Variants in NRXN3 observed in about 807,000 individuals in gnomAD.
The protein encoded by NRXN3 is neurexin 3.
Under a neutral mutation model 137.6 loss-of-function variants are expected in NRXN3, and 32 were observed. The observed-to-expected ratio is 0.23, with a 90% CI of 0.18 to 0.31. NRXN3 has a LOEUF of 0.31. Among genes scored for constraint, NRXN3 ranks in the 10% least tolerant of loss-of-function variants. The pLI is 1.00. For synonymous variants in NRXN3, 798 were observed against 784.5 expected (o/e 1.02, Z -0.29); for missense variants, 1,574 against 2,062.5 (o/e 0.76, Z 4.59).
At chr14:78,174,492 T>G (rs2059072489) in intron 1 of NRXN3, among the ~76,000 whole-genome samples, 1 of 152,174 alleles carries the variant, frequency 6.6e-6, no homozygotes, top group African/African-American at 2.4e-5. Flanking sequence ...TGGTGGCCTT[T>G]GTGTTGGTTT....
intron 4 of NRXN3, among the ~76,000 whole-genome samples, chr14:78,320,005 G>A (rs527435790): frequency 3.3e-5 from 5 of 152,224 alleles, no homozygotes; most frequent in Non-Finnish European, 7.3e-5. Context: ...GCATTAGGAG[G>A]CTCATATTTC....
intron 4 of NRXN3, among the ~76,000 whole-genome samples, chr14:78,431,832 T>C (rs1455612575): frequency 6.6e-6 from 1 of 152,174 alleles, no homozygotes. Flanking sequence ...ATTACATGAA[T>C]TTTCTCATTA....
chr14:78,238,072 G>A (rs1456053425), intron 1 of NRXN3, among the ~76,000 whole-genome samples: 1 of 152,016 alleles, frequency 6.6e-6, no homozygotes, highest in Non-Finnish European at 1.5e-5. Context: ...GGTGGGGAGG[G>A]CAAATGGCAG....
At chr14:79,404,749 G>A (rs1206434523) in intron 15 of NRXN3, among the ~76,000 whole-genome samples, 1 of 152,192 alleles carries the variant, frequency 6.6e-6, no homozygotes, top group Non-Finnish European at 1.5e-5. Flanking sequence ...CGTGTGCTTG[G>A]TTTGTTTAGG....
chr14:79,321,768 A>C (rs954269652), intron 15 of NRXN3, among the ~76,000 whole-genome samples: 1 of 150,124 alleles, frequency 6.7e-6, no homozygotes, highest in Admixed American at 6.7e-5. Flanking sequence ...GTAATTACAC[A>C]TATCTATATG....
intron 6 of NRXN3, among the ~76,000 whole-genome samples, chr14:78,674,803 C>G (rs557020096): frequency 6.6e-5 from 10 of 152,280 alleles, no homozygotes; most frequent in African/African-American, 2.4e-4. Context: ...TAAAAGTAGT[C>G]CTTTTTGTCC....
intron 10 of NRXN3, among the ~76,000 whole-genome samples, chr14:78,934,278 A>G (rs1347886949): frequency 6.6e-6 from 1 of 152,182 alleles, no homozygotes; most frequent in African/African-American, 2.4e-5. Context: ...TTATTCTTTA[A>G]AGGCCATGAG....
At chr14:79,196,102 A>G (rs1342686717) in intron 15 of NRXN3, among the ~76,000 whole-genome samples, 1 of 152,188 alleles carries the variant, frequency 6.6e-6, no homozygotes, top group African/African-American at 2.4e-5. Context: ...GGTGAGATTA[A>G]ATGAGGCAAA....
At chr14:79,496,906 T>A (rs2096772665) in intron 16 of NRXN3, among the ~76,000 whole-genome samples, 1 of 152,158 alleles carries the variant, frequency 6.6e-6, no homozygotes, top group East Asian at 1.9e-4. Context: ...GCAGTGGATA[T>A]GAATTGAGCC....
intron 2 of NRXN3, among the ~76,000 whole-genome samples, chr14:78,277,718 T>A (rs1439480385): frequency 6.6e-6 from 1 of 152,166 alleles, no homozygotes; most frequent in Non-Finnish European, 1.5e-5. Context: ...GTTTTAACAG[T>A]GCCTTGGGCT....
chr14:78,693,776 A>G (rs903872180), intron 6 of NRXN3, among the ~76,000 whole-genome samples: 4 of 149,234 alleles, frequency 2.7e-5, no homozygotes, highest in African/African-American at 7.4e-5. Flanking sequence ...TATAATACCA[A>G]CCTGACCTCG....
At chr14:78,647,844 TAC>T (rs1347856158) in intron 5 of NRXN3, among the ~76,000 whole-genome samples, 3 of 152,272 alleles carry the variant, frequency 2.0e-5, no homozygotes, top group African/African-American at 7.2e-5. Flanking sequence ...TTCCCTGGGA[TAC>T]ATTTGAATGG....
chr14:78,665,549 G>T (rs940685932), intron 6 of NRXN3, among the ~76,000 whole-genome samples: 2 of 152,168 alleles, frequency 1.3e-5, no homozygotes, highest in African/African-American at 4.8e-5. Context: ...AGACTTGGGT[G>T]GGGACACAGC....
At chr14:79,584,725 G>T (rs2097751958) in intron 16 of NRXN3, among the ~76,000 whole-genome samples, 1 of 152,152 alleles carries the variant, frequency 6.6e-6, no homozygotes, top group Non-Finnish European at 1.5e-5. Context: ...TGACTGGCTG[G>T]CTTGGAGTGA....
At chr14:79,361,346 T>C (rs746892465) in intron 15 of NRXN3, among the ~76,000 whole-genome samples, 2 of 152,196 alleles carry the variant, frequency 1.3e-5, no homozygotes, top group Non-Finnish European at 2.9e-5. Context: ...TAGTTAATAC[T>C]GAGTCCAGCT....
chr14:78,569,565 G>A (rs765066342), intron 4 of NRXN3, among the ~76,000 whole-genome samples: 2 of 147,928 alleles, frequency 1.4e-5, no homozygotes, highest in African/African-American at 5.0e-5. Context: ...GCGTCCGGCC[G>A]CCTTTTATTT....
chr14:79,279,359 A>C, intron 15 of NRXN3: 1 of 985,724 alleles, frequency 1.0e-6, no homozygotes, highest in Non-Finnish European at 1.2e-6. Context: ...CCCATTTGTG[A>C]ATTTGGCTCC....
chr14:78,500,024 G>T (rs1567769076), intron 4 of NRXN3, among the ~76,000 whole-genome samples: 1 of 152,170 alleles, frequency 6.6e-6, no homozygotes, highest in Non-Finnish European at 1.5e-5. Flanking sequence ...GATTATGTAA[G>T]GATGTGATAC....
At chr14:78,364,502 A>G (rs1182820730) in intron 4 of NRXN3, among the ~76,000 whole-genome samples, 1 of 152,088 alleles carries the variant, frequency 6.6e-6, no homozygotes, top group East Asian at 1.9e-4. Flanking sequence ...AGATGAATAT[A>G]TTTTTACCTA....
Sources: gnomAD v4.1 joint callset for allele counts (sites outside exome capture counted in the v4.1 genomes callset) on GRCh38, gnomAD v4.1.1 for gene constraint, MANE v1.5 for transcripts, NCBI Gene and HGNC (gene_info 2026-07-23, HGNC 2026-07-21) for gene names.